GOLGA4: variants seen among roughly 807,000 people sequenced by gnomAD.
GOLGA4 encodes golgin A4.
In GOLGA4, 169 loss-of-function variants were observed where a neutral mutation model predicts 265.9. The ratio of observed to expected loss-of-function variants is 0.64; its 90% confidence interval spans 0.56 to 0.72. The LOEUF is 0.72. Among genes scored for constraint, GOLGA4 ranks in the 30% least tolerant of loss-of-function variants. GOLGA4 has a pLI of 0.00. For synonymous variants in GOLGA4, 923 were observed against 855.8 expected, an observed-to-expected ratio of 1.08 and a Z score of -1.37; for missense variants, 2,482 against 2,483.4, an observed-to-expected ratio of 1.00 and a Z score of 0.01.
chr3:37,243,752 C>G (rs1328191698), intron 1 of GOLGA4, 130 bp downstream of exon 1: 1 of 729,600 alleles, frequency 1.4e-6, no homozygotes, highest in Non-Finnish European at 2.3e-6. Flanking sequence ...TTCCCAAACT[C>G]CGGACCCAGA....
intron 10 of GOLGA4, among the ~76,000 whole-genome samples, chr3:37,303,980 T>C (rs2096899781): frequency 6.6e-6 from 1 of 152,198 alleles, no homozygotes; most frequent in Admixed American, 6.5e-5. Flanking sequence ...CCTACATTTA[T>C]GCACAGAGAA....
Position 37,325,292 on chromosome 3 carries a change from C to T in GOLGA4, c.3406C>T (p.Leu1136Phe). Residue 1136 changes from leucine to phenylalanine, a missense_variant, in exon 14 of 24, where the codon CTT becomes TTT. Coordinates refer to ENST00000361924, the MANE Select transcript of GOLGA4 (RefSeq NM_002078.5). ...AQDETKLKAH[L>F]EKLEVDLNKS... Reference sequence around the variant, plus strand: ...AGATGAAACTAAACTGAAAGCTCATCTTGAAAAGCTAGAGGTTGACTTGAA... The same window carrying T: ...AGATGAAACTAAACTGAAAGCTCATTTTGAAAAGCTAGAGGTTGACTTGAA... 6.2e-7 allele frequency: 1 copy of T among 1,613,586 alleles called. No homozygotes were observed.
intron 11 of GOLGA4, among the ~76,000 whole-genome samples, chr3:37,317,452 G>A (rs1247021015): frequency 6.6e-6 from 1 of 152,184 alleles, no homozygotes; most frequent in Non-Finnish European, 1.5e-5. Flanking sequence ...TTACAGGCGT[G>A]AGCCACTGTG....
intron 2 of GOLGA4, among the ~76,000 whole-genome samples, chr3:37,270,033 A>G (rs1241872383): frequency 6.6e-6 from 1 of 151,314 alleles, no homozygotes; most frequent in African/African-American, 2.4e-5. Flanking sequence ...AGCTGGTATT[A>G]CAGGTGCTCG....
chr3:37,265,802 T>A (rs2096782048), intron 2 of GOLGA4, among the ~76,000 whole-genome samples: 1 of 152,056 alleles, frequency 6.6e-6, no homozygotes, highest in African/African-American at 2.4e-5. Flanking sequence ...CTTGGGAGGC[T>A]GAGGCAGGTG....
chr3:37,282,596 T>C (rs937977152), intron 3 of GOLGA4, among the ~76,000 whole-genome samples: 2 of 152,218 alleles, frequency 1.3e-5, no homozygotes, highest in African/African-American at 4.8e-5. Context: ...GGAGTTCATC[T>C]TCTGGCTCAT....
intron 20 of GOLGA4, among the ~76,000 whole-genome samples, chr3:37,343,832 C>G (rs1045158241): frequency 5.3e-5 from 8 of 152,164 alleles, no homozygotes; most frequent in African/African-American, 1.9e-4. Context: ...TTACATCAAA[C>G]GTTCATGACA....
chr3:37,278,208 T>C (rs1020127173), intron 2 of GOLGA4, among the ~76,000 whole-genome samples: 20 of 151,654 alleles, frequency 1.3e-4, no homozygotes, highest in Non-Finnish European at 2.8e-4. Flanking sequence ...TCTTTTCTTT[T>C]TTTTTTTTGA....
At chr3:37,273,289 G>A (rs527548299) in intron 2 of GOLGA4, among the ~76,000 whole-genome samples, 11 of 152,186 alleles carry the variant, frequency 7.2e-5, no homozygotes, top group African/African-American at 2.4e-4. Flanking sequence ...GCTTGAAATA[G>A]GTTTTTCTAC....
chr3:37,278,142 T>G, intron 2 of GOLGA4, among the ~76,000 whole-genome samples: 1 of 151,428 alleles, frequency 6.6e-6, no homozygotes, highest in East Asian at 1.9e-4. Context: ...TTTTTTTTGT[T>G]GTTAAACATA....
chr3:37,282,234 G>A lies in GOLGA4; in HGVS notation c.439G>A (p.Glu147Lys), dbSNP rs375883623. 2.0e-5 allele frequency: 33 copies of A among 1,614,038 alleles called. No individual in the cohort carries two copies. The Admixed American group carries it at 3.2e-4, about 15-fold the overall frequency. Residue 147 changes from glutamate to lysine, a missense_variant, in exon 3 of 24, where the codon GAA becomes AAA. By Grantham distance (56) the Glu-to-Lys change is moderately conservative. Around this residue, in one of 3 missense-constraint regions of GOLGA4, gnomAD observed 1,536 missense variants for 1,483.7 expected, o/e 1.04. Transcript: ENST00000361924. ...GTTGATTCAGCGGTTGCGAAGAATG[G>A]AACGAAGCTTAAGTAGCTACAGGGG... ...EQLIQRLRRMERSLSSYRGKY... is the reference protein window; with the variant it reads ...EQLIQRLRRMKRSLSSYRGKY...
intron 17 of GOLGA4, 70 bp downstream of exon 17, chr3:37,335,236 A>G (rs775053185): frequency 1.4e-5 from 11 of 792,138 alleles, no homozygotes; most frequent in Non-Finnish European, 1.9e-5. Context: ...TGACTAGCCT[A>G]CTAACATACA....
intron 21 of GOLGA4, among the ~76,000 whole-genome samples, chr3:37,348,222 C>T (rs1022879296): frequency 6.6e-6 from 1 of 152,060 alleles, no homozygotes; most frequent in African/African-American, 2.4e-5. Flanking sequence ...AAGGAAATAT[C>T]TTAAAAGAAT....
intron 10 of GOLGA4, among the ~76,000 whole-genome samples, chr3:37,310,761 T>A (rs993256113): frequency 2.0e-5 from 3 of 151,800 alleles, no homozygotes; most frequent in Admixed American, 2.0e-4. Context: ...AAAAATTGCC[T>A]GAGATACATT....
rs372023194 is a variant in GOLGA4, at chr3:37,325,491, A to G, written c.3605A>G (p.Lys1202Arg). 4.3e-6 allele frequency: 7 copies of G among 1,613,704 alleles called. No individual in the cohort carries two copies. The highest frequency in any genetic ancestry group is 5.1e-6 in the Non-Finnish European group (6 of 1,179,710). ...HEKSNKSLEDKSLEFKKLSEE... is the reference protein window; with the variant it reads ...HEKSNKSLEDRSLEFKKLSEE... ...AAAAGTAACAAAAGCCTAGAGGACA[A>G]GAGCTTGGAATTTAAAAAACTGTCT... is the stretch of plus-strand genomic sequence containing the variant. Residue 1202 changes from lysine (K) to arginine (R), a missense_variant, in exon 14 of 24, where the codon AAG becomes AGG. Physicochemically the swap from Lys to Arg is conservative, Grantham distance 26 (BLOSUM62 2). Transcript: ENST00000361924.
In GOLGA4 at chr3:37,326,319, A is replaced by G. The variant is rs1187057111; in HGVS notation, c.4433A>G (p.Asp1478Gly). Residue 1478 changes from aspartate (D) to glycine (G), a missense_variant, in exon 14 of 24, where the codon GAT (aspartate) becomes GGT (glycine). Asp to Gly is a moderately conservative substitution (Grantham distance 94). This residue lies in a region of GOLGA4 where 942 missense variants were observed against 983.1 expected (regional missense o/e 0.96). Transcript: ENST00000361924. ...AAATCAAAGGAAGCTTATGAAAAGG[A>G]TGAGCAGATAAATTTATTGAAGGAA... ...ELKSKEAYEK[D>G]EQINLLKEEL... 1.9e-6 allele frequency: 3 copies of G among 1,611,902 alleles called. No homozygotes were observed. The Admixed American group carries it at 5.0e-5, about 27-fold the overall frequency.
rs752969879 is a variant in GOLGA4 at position 37,337,753 on chromosome 3, C to T, written c.6396+19C>T. The stretch of plus-strand genomic sequence containing the variant: ...AGAACAGGTACAGGCCTAATTGGTA[C>T]CTTTTATTTTGAACTAAAGTTTCGT... On this transcript the variant is annotated intron_variant, in intron 19 of 23. Coordinates refer to ENST00000361924, the MANE Select transcript of GOLGA4 (RefSeq NM_002078.5). 4.7e-6 allele frequency: 7 copies of T among 1,501,532 alleles called. No individual in the cohort carries two copies. Among genetic ancestry groups the T allele is most frequent in the South Asian group, 1.1e-5 (1 of 88,728 alleles). 93.0% of individuals were successfully genotyped at this position (1,501,532 alleles called of 1,614,324 possible). A position where few individuals can be genotyped will look rare whatever the true frequency, so the allele number is the denominator to read the frequency against.
rs750515877 is a variant in GOLGA4 at position 37,251,395 on chromosome 3, G to T, written c.73G>T (p.Ala25Ser). 1 of 1,602,628 alleles carries T rather than the reference G, an allele frequency of 6.2e-7. No individual in the cohort carries two copies. The highest frequency in any genetic ancestry group is 2.2e-5 in the East Asian group (1 of 44,818). The change falls in exon 2 of 24, where the codon GCG becomes TCG. Residue 25 changes from alanine to serine, a missense_variant and splice_region_variant. Ala to Ser is a moderately conservative substitution (Grantham distance 99). Transcript: ENST00000361924. ...TTTGTGCAATAATTTTTAAATCTAGGCGTCCTCCAATTCTTCAACACCAAC... is the reference window on the plus strand; with the variant it reads ...TTTGTGCAATAATTTTTAAATCTAGTCGTCCTCCAATTCTTCAACACCAAC... The part of the protein sequence containing the change: ...QLQQALAPAQ[A>S]SSNSSTPTRM...
At chr3:37,362,792 T>TTTTTTTTTTTTG (rs1696425622) in intron 23 of GOLGA4, among the ~76,000 whole-genome samples, 1 of 134,982 alleles carries the variant, frequency 7.4e-6, no homozygotes, top group African/African-American at 2.7e-5. Context: ...TTTTTTTTTT[T>TTTTTTTTTTTTG]TTTTTTTTGA....
Sources: gnomAD v4.1 joint callset for allele counts (sites outside exome capture counted in the v4.1 genomes callset) on GRCh38, gnomAD v4.1.1 for gene constraint, gnomAD v4.1.1 regional missense constraint, MANE v1.5 for transcripts, NCBI Gene and HGNC (gene_info 2026-07-23, HGNC 2026-07-21) for gene names.